POLN: variants seen among roughly 807,000 people sequenced by gnomAD.
POLN encodes the protein DNA polymerase nu.
A neutral mutation model predicts 113.5 loss-of-function variants in POLN; 108 were observed. That is an observed-to-expected ratio of 0.95 (90% CI 0.81 to 1.12). POLN has a LOEUF of 1.12. Ranked by LOEUF, POLN falls within the 50% of genes most tolerant of loss-of-function variation. The pLI is 0.00. For synonymous variants in POLN, 386 were observed against 391.5 expected (o/e 0.99, Z 0.17); for missense variants, 1,097 against 1,077.1 (o/e 1.02, Z -0.26).
intron 5 of POLN, among the ~76,000 whole-genome samples, chr4:2,201,699 A>C (rs531420292): frequency 9.8e-5 from 15 of 152,338 alleles, no homozygotes; most frequent in Admixed American, 9.8e-4. Flanking sequence ...AAGCTCAAAG[A>C]ACACCTGGGA....
chr4:2,097,715 A>T lies in POLN; in HGVS notation c.1983-1782T>A, dbSNP rs1730828810. 2.0e-5 allele frequency among the ~76,000 whole-genome samples: 3 copies of T among 152,020 alleles called. No individual in the cohort carries two copies. In the South Asian group the frequency reaches 6.2e-4, roughly 32 times the overall value. On this transcript the variant is annotated intron_variant, in intron 19 of 25. Transcript: ENST00000511885. The stretch of plus-strand genomic sequence containing the variant: ...AGGTAGGGTCTTGCTTGTTCCCCAG[A>T]CTGGTCTTGAACTCCTGGTCTCAAG...
At chr4:2,137,227 A>G (rs1180698498) in intron 16 of POLN, among the ~76,000 whole-genome samples, 2 of 152,256 alleles carry the variant, frequency 1.3e-5, no homozygotes, top group Non-Finnish European at 2.9e-5. Flanking sequence ...TGAGGTTTCC[A>G]TAAGTTAAGT....
At chr4:2,203,391 C>T (rs1733763616) in intron 5 of POLN, among the ~76,000 whole-genome samples, 1 of 151,642 alleles carries the variant, frequency 6.6e-6, no homozygotes, top group South Asian at 2.1e-4. Context: ...ACCATCCTGG[C>T]CAACATGGTG....
chr4:2,229,303 G>T, intron 2 of POLN, 60 bp from the exon 3 acceptor site: 2 of 1,316,918 alleles, frequency 1.5e-6, no homozygotes, highest in Non-Finnish European at 2.0e-6. Context: ...TATAAAACAG[G>T]AAATACAATT....
intron 16 of POLN, 29 bp from the exon 17 acceptor site, chr4:2,131,319 T>G (rs1343414826): frequency 7.0e-7 from 1 of 1,426,292 alleles, no homozygotes. Context: ...TAGCTTTAGT[T>G]AAAATATCTA....
chr4:2,219,412 G>C (rs1214209323), intron 3 of POLN, among the ~76,000 whole-genome samples: 1 of 152,076 alleles, frequency 6.6e-6, no homozygotes, highest in Non-Finnish European at 1.5e-5. Flanking sequence ...CTTCCTCCTG[G>C]GGACCTGGCC....
At chr4:2,110,560 C>T (rs1322464581) in intron 19 of POLN, among the ~76,000 whole-genome samples, 1 of 152,100 alleles carries the variant, frequency 6.6e-6, no homozygotes, top group Non-Finnish European at 1.5e-5. Flanking sequence ...AAGGGGATAT[C>T]ACCACCGATC....
At chr4:2,142,580 C>CT (rs1382674348) in intron 16 of POLN, among the ~76,000 whole-genome samples, 1 of 152,164 alleles carries the variant, frequency 6.6e-6, no homozygotes, top group Non-Finnish European at 1.5e-5. Context: ...CAAAGAATCT[C>CT]ACAGAGGTGA....
chr4:2,236,078 G>T, intron 2 of POLN: 1 of 540,226 alleles, frequency 1.9e-6, no homozygotes. Flanking sequence ...ATATTTATAT[G>T]TGAACAAAAA....
intron 5 of POLN, among the ~76,000 whole-genome samples, chr4:2,203,320 G>A (rs1044149406): frequency 4.6e-5 from 7 of 152,084 alleles, no homozygotes; most frequent in African/African-American, 1.4e-4. Context: ...GGTGGTTCAC[G>A]CCTGTAATCC....
At chr4:2,241,933 C>T in intron 1 of POLN, 118 bp downstream of exon 1, 1 of 985,576 alleles carries the variant, frequency 1.0e-6, no homozygotes, top group Non-Finnish European at 1.2e-6. Flanking sequence ...GCTGGAGCAC[C>T]TGGAAGGAGC....
intron 3 of POLN, among the ~76,000 whole-genome samples, chr4:2,216,574 C>G (rs1031443518): frequency 1.3e-5 from 2 of 152,188 alleles, no homozygotes; most frequent in African/African-American, 4.8e-5. Flanking sequence ...GACAGTGAGT[C>G]CTACTCTCAT....
intron 20 of POLN, chr4:2,088,877 C>A: frequency 2.8e-6 from 4 of 1,451,034 alleles, no homozygotes; most frequent in South Asian, 2.6e-5. Flanking sequence ...AAGGGTGCGT[C>A]GCTTGCAGCT....
intron 22 of POLN, chr4:2,081,299 G>T (rs1011876834): frequency 2.9e-6 from 3 of 1,041,370 alleles, no homozygotes; most frequent in Non-Finnish European, 4.2e-6. Flanking sequence ...GGGGAGGATG[G>T]AAGGGCCTAG....
In POLN at chr4:2,233,132, T is replaced by C. The variant is rs1318109755; in HGVS notation, c.-12-3889A>G. 5.9e-5 allele frequency among the ~76,000 whole-genome samples: 9 copies of C among 152,326 alleles called. No individual in the cohort carries two copies. The East Asian group carries it at 1.3e-3, about 23-fold the overall frequency. On this transcript the variant is annotated intron_variant, in intron 2 of 25. Transcript: ENST00000511885. The stretch of plus-strand genomic sequence containing the variant: ...ACAGAGGAGTACTTCTTAAAATACA[T>C]ACTTTTGAAAATCAAGTAATTTCGA...
intron 3 of POLN, among the ~76,000 whole-genome samples, chr4:2,219,138 T>C (rs887397015): frequency 5.9e-5 from 9 of 152,140 alleles, no homozygotes; most frequent in Non-Finnish European, 5.9e-5. Flanking sequence ...CCAAATAACA[T>C]GTGGGGACTT....
intron 19 of POLN, among the ~76,000 whole-genome samples, chr4:2,100,176 C>A (rs914182914): frequency 2.0e-5 from 3 of 151,766 alleles, no homozygotes; most frequent in Non-Finnish European, 4.4e-5. Context: ...CATAAAATTG[C>A]AGATAAATAG....
rs1371801816 is a variant in POLN at position 2,096,541 on chromosome 4, C to T, written c.1983-608G>A. Among the ~76,000 whole-genome samples, 6 of 152,230 alleles carry T rather than the reference C, an allele frequency of 3.9e-5. No individual in the cohort carries two copies. In the East Asian group the frequency reaches 1.2e-3, roughly 29 times the overall value. On this transcript the variant is annotated intron_variant, in intron 19 of 25. Coordinates refer to ENST00000511885, the MANE Select transcript of POLN (RefSeq NM_181808.4). ...ACTCCCAGCACCACCAAGAGTCCCT[C>T]CTCCTCCGAGAGCACCTTCAAAGGA...
chr4:2,196,937 G>A (rs889329145), intron 6 of POLN, among the ~76,000 whole-genome samples: 3 of 152,178 alleles, frequency 2.0e-5, no homozygotes, highest in Non-Finnish European at 2.9e-5. Context: ...GGGTAGAGGC[G>A]CACACCACAT....
Sources: gnomAD v4.1 joint callset for allele counts (sites outside exome capture counted in the v4.1 genomes callset) on GRCh38, gnomAD v4.1.1 for gene constraint, MANE v1.5 for transcripts, NCBI Gene and HGNC (gene_info 2026-07-23, HGNC 2026-07-21) for gene names.